Variants in XYLT1 observed in about 807,000 individuals in gnomAD.
XYLT1 encodes beta-D-xylosyltransferase 1.
A neutral mutation model predicts 91.3 loss-of-function variants in XYLT1; 36 were observed. That is an observed-to-expected ratio of 0.39 (90% CI 0.30 to 0.52). The LOEUF (loss-of-function observed/expected upper bound fraction) is 0.52. Ranked by LOEUF, XYLT1 falls within the 20% of genes least tolerant of loss-of-function variation. The pLI is 0.68. For missense variants in XYLT1, 1,242 were observed against 1,284.5 expected (o/e 0.97, Z 0.51); for synonymous variants, 588 against 532.0 (o/e 1.11, Z -1.45).
At chr16:17,129,249 G>A (rs965890739) in intron 9 of XYLT1, among the ~76,000 whole-genome samples, 16 of 151,930 alleles carry the variant, frequency 1.1e-4, no homozygotes, top group East Asian at 1.9e-4. Flanking sequence ...AACCTCCTGC[G>A]ATGACAGAAA....
intron 3 of XYLT1, among the ~76,000 whole-genome samples, chr16:17,256,249 AAC>A (rs2033629072): frequency 6.6e-6 from 1 of 152,114 alleles, no homozygotes; most frequent in Admixed American, 6.5e-5. Flanking sequence ...ACCAGTGGTA[AAC>A]ACAGAGGCAC....
At chr16:17,349,608 C>T (rs1265130003) in intron 2 of XYLT1, among the ~76,000 whole-genome samples, 2 of 151,608 alleles carry the variant, frequency 1.3e-5, no homozygotes, top group African/African-American at 2.4e-5. Flanking sequence ...GCTGCCTTTG[C>T]TACCTGTTGG....
intron 2 of XYLT1, among the ~76,000 whole-genome samples, chr16:17,333,586 AATTT>A (rs1334424493): frequency 2.6e-5 from 3 of 116,016 alleles, no homozygotes; most frequent in African/African-American, 1.2e-4. Flanking sequence ...TAATTAATTT[AATTT>A]ATTTTTTTTT....
At chr16:17,382,692 C>G (rs2035696553) in intron 1 of XYLT1, among the ~76,000 whole-genome samples, 1 of 151,828 alleles carries the variant, frequency 6.6e-6, no homozygotes, top group Non-Finnish European at 1.5e-5. Flanking sequence ...ACGTTTGAGT[C>G]AACCAGGATA....
At chr16:17,237,264 T>G (rs1196719060) in intron 3 of XYLT1, among the ~76,000 whole-genome samples, 1 of 152,200 alleles carries the variant, frequency 6.6e-6, no homozygotes, top group African/African-American at 2.4e-5. Context: ...GAGATCTGTG[T>G]TTTTCAGTAT....
At chr16:17,309,424 G>A (rs2034512568) in intron 2 of XYLT1, among the ~76,000 whole-genome samples, 1 of 152,156 alleles carries the variant, frequency 6.6e-6, no homozygotes, top group Non-Finnish European at 1.5e-5. Context: ...GGGATGGAGG[G>A]GAGAGGGATC....
intron 2 of XYLT1, among the ~76,000 whole-genome samples, chr16:17,344,377 C>T (rs958630614): frequency 6.6e-6 from 1 of 150,750 alleles, no homozygotes; most frequent in Admixed American, 6.6e-5. Flanking sequence ...CCTGTAGTCC[C>T]AGCTACTCAG....
At chr16:17,411,017 G>A (rs982815102) in intron 1 of XYLT1, among the ~76,000 whole-genome samples, 1 of 152,280 alleles carries the variant, frequency 6.6e-6, no homozygotes, top group Admixed American at 6.5e-5. Flanking sequence ...ATAAACAGGT[G>A]TGTTAACACA....
intron 6 of XYLT1, among the ~76,000 whole-genome samples, chr16:17,146,707 CCA>C (rs2031142520): frequency 1.3e-5 from 2 of 152,114 alleles, no homozygotes; most frequent in Non-Finnish European, 2.9e-5. Context: ...TAGGTAATTC[CCA>C]AGGTACTCTC....
intron 5 of XYLT1, among the ~76,000 whole-genome samples, chr16:17,182,013 C>G (rs2032081477): frequency 6.6e-6 from 1 of 152,184 alleles, no homozygotes; most frequent in African/African-American, 2.4e-5. Flanking sequence ...TCTGACCTAG[C>G]TGTCATCAAA....
At chr16:17,184,185 C>T (rs936575546) in intron 5 of XYLT1, among the ~76,000 whole-genome samples, 17 of 107,482 alleles carry the variant, frequency 1.6e-4, no homozygotes, top group Non-Finnish European at 2.1e-4. Flanking sequence ...TAAAAGACGG[C>T]TTTTTTTTTT....
chr16:17,143,594 T>G (rs2031044897), intron 6 of XYLT1, among the ~76,000 whole-genome samples: 1 of 152,246 alleles, frequency 6.6e-6, no homozygotes, highest in Admixed American at 6.5e-5. Flanking sequence ...CCGTATGTGC[T>G]GGGAATGATT....
chr16:17,138,205 A>G (rs2030826139), intron 8 of XYLT1, 150 bp downstream of exon 8: 9 of 847,652 alleles, frequency 1.1e-5, no homozygotes, highest in South Asian at 1.9e-5. Flanking sequence ...AACACTGGCT[A>G]TTGTTGATAC....
intron 1 of XYLT1, among the ~76,000 whole-genome samples, chr16:17,435,791 A>G (rs1009857933): frequency 1.3e-5 from 2 of 152,208 alleles, no homozygotes; most frequent in Admixed American, 6.5e-5. Flanking sequence ...TTCATCTTAC[A>G]TCACCCGTGA....
At chr16:17,430,477 A>G (rs954760543) in intron 1 of XYLT1, among the ~76,000 whole-genome samples, 3 of 152,224 alleles carry the variant, frequency 2.0e-5, no homozygotes, top group African/African-American at 7.2e-5. Context: ...GGAGAACCAA[A>G]CTAATACAGG....
chr16:17,285,375 G>A (rs574908170), intron 2 of XYLT1, among the ~76,000 whole-genome samples: 3 of 152,300 alleles, frequency 2.0e-5, no homozygotes, highest in Admixed American at 1.3e-4. Context: ...GGGAACTTGC[G>A]CTAGATGCTT....
intron 1 of XYLT1, among the ~76,000 whole-genome samples, chr16:17,393,720 C>T (rs572504551): frequency 1.3e-5 from 2 of 151,768 alleles, no homozygotes; most frequent in African/African-American, 4.8e-5. Flanking sequence ...TCAAGACCAG[C>T]CTGGGAAACA....
intron 3 of XYLT1, among the ~76,000 whole-genome samples, chr16:17,219,361 G>A (rs950332202): frequency 3.3e-5 from 5 of 151,884 alleles, no homozygotes; most frequent in African/African-American, 9.7e-5. Flanking sequence ...ACACACTGCA[G>A]GGCTGCACAC....
At chr16:17,161,337 G>A (rs1203932184) in intron 5 of XYLT1, among the ~76,000 whole-genome samples, 1 of 152,196 alleles carries the variant, frequency 6.6e-6, no homozygotes, top group African/African-American at 2.4e-5. Flanking sequence ...TCCAGGCCCA[G>A]AGCTTTTGGG....
Sources: gnomAD v4.1 joint callset for allele counts (sites outside exome capture counted in the v4.1 genomes callset) on GRCh38, gnomAD v4.1.1 for gene constraint, MANE v1.5 for transcripts, NCBI Gene and HGNC (gene_info 2026-07-23, HGNC 2026-07-21) for gene names.